LPP: variants seen among roughly 807,000 people sequenced by gnomAD.
LPP encodes the protein LIM domain containing preferred translocation partner in lipoma.
LPP carries 38 observed loss-of-function variants against 60.4 expected under a neutral mutation model. The ratio of observed to expected loss-of-function variants is 0.63; its 90% confidence interval spans 0.49 to 0.83. The LOEUF (loss-of-function observed/expected upper bound fraction) is 0.83. Ranked by LOEUF, LPP falls within the 40% of genes least tolerant of loss-of-function variation. The pLI is 0.00. For synonymous variants in LPP, 328 were observed against 290.8 expected (o/e 1.13, Z -1.30); for missense variants, 902 against 783.6 (o/e 1.15, Z -1.80).
intron 7 of LPP, among the ~76,000 whole-genome samples, chr3:188,691,230 G>T (rs1342313143): frequency 2.0e-5 from 3 of 152,150 alleles, no homozygotes; most frequent in Admixed American, 1.3e-4. Flanking sequence ...GTAGAGAAGG[G>T]ATAACAAATA....
intron 6 of LPP, among the ~76,000 whole-genome samples, chr3:188,558,367 C>T (rs1829953675): frequency 6.6e-6 from 1 of 152,018 alleles, no homozygotes; most frequent in Admixed American, 6.6e-5. Flanking sequence ...CACTTCCTAC[C>T]TGCCACTCTC....
At chr3:188,563,885 A>G (rs1467585225) in intron 6 of LPP, among the ~76,000 whole-genome samples, 2 of 151,764 alleles carry the variant, frequency 1.3e-5, no homozygotes, top group African/African-American at 4.8e-5. Context: ...CTAAACAGAC[A>G]CTTGTGGCCA....
At chr3:188,172,534 T>C (rs571133051) in intron 1 of LPP, among the ~76,000 whole-genome samples, 2 of 152,338 alleles carry the variant, frequency 1.3e-5, no homozygotes, top group South Asian at 2.1e-4. Context: ...GAAAAGATAA[T>C]AGAGATTATC....
intron 3 of LPP, among the ~76,000 whole-genome samples, chr3:188,380,686 T>C (rs1488461099): frequency 6.6e-6 from 1 of 152,190 alleles, no homozygotes; most frequent in Non-Finnish European, 1.5e-5. Flanking sequence ...GGTTTAGTGG[T>C]CCATGAACCT....
intron 9 of LPP, among the ~76,000 whole-genome samples, chr3:188,778,721 A>C (rs765198983): frequency 5.9e-5 from 9 of 152,170 alleles, no homozygotes; most frequent in Non-Finnish European, 1.3e-4. Context: ...CCCCATGTGC[A>C]CATACAAACA....
chr3:188,348,891 G>A (rs929168159), intron 3 of LPP, among the ~76,000 whole-genome samples: 1 of 152,096 alleles, frequency 6.6e-6, no homozygotes, highest in African/African-American at 2.4e-5. Context: ...GGGTCCGGGG[G>A]GCGGGGATGC....
At chr3:188,536,190 G>A (rs1823566398) in intron 6 of LPP, among the ~76,000 whole-genome samples, 1 of 151,996 alleles carries the variant, frequency 6.6e-6, no homozygotes, top group Non-Finnish European at 1.5e-5. Context: ...TGTGTTTTTA[G>A]TAGAGACAGG....
chr3:188,159,559 A>G (rs544950522), intron 1 of LPP, among the ~76,000 whole-genome samples: 6 of 152,314 alleles, frequency 3.9e-5, no homozygotes, highest in East Asian at 3.9e-4. Flanking sequence ...TGTATTCCCA[A>G]TGCCCAGAAG....
rs1183018349 is a variant in LPP, at chr3:188,572,655, T to C, written c.430-36506T>C. Among the ~76,000 whole-genome samples the C allele has an allele frequency of 6.6e-6, 1 of 152,124 alleles. No homozygotes were observed. The highest frequency in any genetic ancestry group is 1.5e-5 in the Non-Finnish European group (1 of 68,022). On this transcript the variant is annotated intron_variant, in intron 6 of 11. Coordinates refer to ENST00000617246, the MANE Select transcript of LPP (RefSeq NM_001375462.1). The surrounding 1 kb of genome is among the most constrained non-coding windows in gnomAD (Gnocchi z 4.1). ...ATATGTGTACTCTGCCCTTTTCTCT[T>C]CATTATGAGGATTAAATTGAATGAT...
intron 9 of LPP, among the ~76,000 whole-genome samples, chr3:188,772,015 T>C (rs1379394998): frequency 6.6e-6 from 1 of 152,222 alleles, no homozygotes; most frequent in Non-Finnish European, 1.5e-5. Context: ...ACAGGAACTT[T>C]GCATCTTTTG....
At chr3:188,292,852 G>T (rs780285164) in intron 2 of LPP, among the ~76,000 whole-genome samples, 1 of 152,084 alleles carries the variant, frequency 6.6e-6, no homozygotes, top group Non-Finnish European at 1.5e-5. Context: ...TTCCATTTTT[G>T]ATGGTTTCTT....
intron 8 of LPP, among the ~76,000 whole-genome samples, chr3:188,728,850 A>G (rs1252986020): frequency 6.6e-6 from 1 of 151,258 alleles, no homozygotes; most frequent in African/African-American, 2.4e-5. Context: ...GGTGGGGTGA[A>G]TTAGAATTAC....
At chr3:188,238,791 C>T (rs920236962) in intron 2 of LPP, among the ~76,000 whole-genome samples, 1 of 152,068 alleles carries the variant, frequency 6.6e-6, no homozygotes, top group Non-Finnish European at 1.5e-5. Context: ...GTGATAGTTA[C>T]CAAAAGGTGA....
chr3:188,278,664 A>T (rs2149883220), intron 2 of LPP, among the ~76,000 whole-genome samples: 1 of 151,888 alleles, frequency 6.6e-6, no homozygotes, highest in African/African-American at 2.4e-5. Flanking sequence ...GTTTCTCTAC[A>T]CTTAGTGAAG....
At chr3:188,647,297 G>T (rs1305673046) in intron 7 of LPP, among the ~76,000 whole-genome samples, 1 of 152,140 alleles carries the variant, frequency 6.6e-6, no homozygotes, top group Non-Finnish European at 1.5e-5. Context: ...GGCCTGGCTT[G>T]ATCCGGTAAA....
chr3:188,612,868 A>G (rs1290820422), intron 7 of LPP, among the ~76,000 whole-genome samples: 1 of 152,132 alleles, frequency 6.6e-6, no homozygotes, highest in African/African-American at 2.4e-5. Context: ...GGAATATGAT[A>G]TAGTAAAAAA....
chr3:188,318,846 C>T (rs1020124307), intron 2 of LPP, among the ~76,000 whole-genome samples: 1 of 146,946 alleles, frequency 6.8e-6, no homozygotes, highest in African/African-American at 2.5e-5. Context: ...GCAAGCTCCG[C>T]CTCCCGGGTT....
chr3:188,666,587 C>T (rs552426680), intron 7 of LPP, among the ~76,000 whole-genome samples: 2 of 152,242 alleles, frequency 1.3e-5, no homozygotes, highest in East Asian at 1.9e-4. Context: ...ATATACCTTA[C>T]GGATTTCTTT....
rs551502500 is a variant in LPP, at chr3:188,268,320, AAAC to A, written c.-67+42797_-67+42799del. ...AACAAAAACACAAAACCAAAACAAA[AAAC>A]AACCCCCAAAAACCTTAGACAAATC... On this transcript the variant is annotated intron_variant, in intron 2 of 11. Transcript: ENST00000617246. Among the ~76,000 whole-genome samples, 224 of 152,346 alleles carry A rather than the reference AAAC, an allele frequency of 1.5e-3. 1 individual carries two copies. The highest frequency in any genetic ancestry group is 1.4e-3 in the Admixed American group (22 of 15,306).
Sources: allele counts gnomAD v4.1 joint callset (sites outside exome capture counted in the v4.1 genomes callset), GRCh38; gene constraint gnomAD v4.1.1; non-coding constraint Gnocchi (gnomAD v3.1); transcripts MANE v1.5; gene names NCBI Gene and HGNC (gene_info 2026-07-23, HGNC 2026-07-21).